Variants in MSR1 observed in about 807,000 individuals in gnomAD.
MSR1 encodes macrophage scavenger receptor 1.
MSR1 carries 53 observed loss-of-function variants against 47.2 expected under a neutral mutation model. That is an observed-to-expected ratio of 1.12 (90% CI 0.90 to 1.41). The LOEUF (loss-of-function observed/expected upper bound fraction) is 1.41. Ranked by LOEUF, MSR1 falls within the 40% of genes most tolerant of loss-of-function variation. The pLI, the probability that MSR1 is intolerant of heterozygous loss-of-function variation, is 0.00. For synonymous variants in MSR1, 239 were observed against 185.6 expected, an observed-to-expected ratio of 1.29 and a Z score of -2.34; for missense variants, 786 against 546.9, an observed-to-expected ratio of 1.44 and a Z score of -4.36.
At chr8:16,150,851 AACACAC>A (rs3036816) in intron 6 of MSR1, among the ~76,000 whole-genome samples, 323 of 142,004 alleles carry the variant, frequency 2.3e-3, no homozygotes, top group Middle Eastern at 3.4e-3. Context: ...CATAAACATA[AACACAC>A]ACACACACAC....
intron 3 of MSR1, among the ~76,000 whole-genome samples, 200 bp from the exon 4 acceptor site, chr8:16,169,070 T>C (rs1260025932): frequency 6.6e-6 from 1 of 152,180 alleles, no homozygotes; most frequent in African/African-American, 2.4e-5. Context: ...ACATTCTCCC[T>C]TTCCTATTTT....
chr8:16,131,070 T>G (rs1021324688), intron 8 of MSR1, among the ~76,000 whole-genome samples: 14 of 152,134 alleles, frequency 9.2e-5, no homozygotes, highest in Non-Finnish European at 1.9e-4. Context: ...CTTTCCACAA[T>G]AACTGAACTA....
intron 3 of MSR1, among the ~76,000 whole-genome samples, chr8:16,172,067 G>T (rs920893767): frequency 2.0e-5 from 3 of 152,180 alleles, no homozygotes; most frequent in African/African-American, 7.2e-5. Context: ...TAACTATGGG[G>T]AAGTAGCATT....
chr8:16,175,399 T>A, intron 2 of MSR1, 99 bp from the exon 3 acceptor site: 1 of 992,192 alleles, frequency 1.0e-6, no homozygotes, highest in Non-Finnish European at 1.5e-6. Flanking sequence ...CTACCAAGCC[T>A]ATTGGAATAA....
intron 4 of MSR1, among the ~76,000 whole-genome samples, chr8:16,166,946 C>T (rs2117177455): frequency 6.6e-6 from 1 of 151,786 alleles, no homozygotes; most frequent in African/African-American, 2.4e-5. Context: ...TACACACACA[C>T]ACACACACAC....
intron 8 of MSR1, chr8:16,121,154 C>T (rs770609068): frequency 1.1e-5 from 5 of 436,682 alleles, no homozygotes; most frequent in Non-Finnish European, 2.3e-5. Context: ...ATAGCAAAGA[C>T]TTTCCTTGTT....
At position 16,142,308 on chromosome 8, in the gene MSR1, C is replaced by T. The variant is rs141511839; in HGVS notation, c.1033+1250G>A. 7.7e-3 allele frequency among the ~76,000 whole-genome samples: 1,165 copies of T among 152,096 alleles called. 14 individuals carry two copies. Among genetic ancestry groups the T allele is most frequent in the African/African-American group, 0.026 (1,087 of 41,482 alleles). On this transcript the variant is annotated intron_variant, in intron 8 of 9. Transcript: ENST00000262101. Reference sequence around the variant, plus strand: ...ATGGTGCCACTGCACTCCATCCTGGCGACAGAGCGAGACTCCATCTCAAAA... The same window carrying T: ...ATGGTGCCACTGCACTCCATCCTGGTGACAGAGCGAGACTCCATCTCAAAA...
At chr8:16,119,572 G>C (rs140493657) in intron 9 of MSR1, among the ~76,000 whole-genome samples, 1 of 152,178 alleles carries the variant, frequency 6.6e-6, no homozygotes, top group Non-Finnish European at 1.5e-5. Flanking sequence ...ATGTGATTGT[G>C]ACCTATTATT....
At chr8:16,181,562 C>T (rs1421827094) in intron 1 of MSR1, among the ~76,000 whole-genome samples, 2 of 151,988 alleles carry the variant, frequency 1.3e-5, no homozygotes, top group Non-Finnish European at 2.9e-5. Flanking sequence ...GAAAACAAAA[C>T]ATCACATGAT....
At chr8:16,134,339 G>T (rs980745354) in intron 8 of MSR1, among the ~76,000 whole-genome samples, 2 of 152,076 alleles carry the variant, frequency 1.3e-5, no homozygotes, top group East Asian at 3.9e-4. Flanking sequence ...TGAAATCCAT[G>T]TATAGTGTTT....
At position 16,150,222 on chromosome 8, in the gene MSR1, T is replaced by C. The variant is rs1800816370; in HGVS notation, c.979+9A>G. On this transcript the variant is annotated intron_variant, in intron 7 of 9. Transcript: ENST00000262101. Reference sequence around the variant, plus strand: ...TATTCTATAAAGAAAATACACATTATTGTAATACCTGGCCTTCCGGCATAT... The same window carrying C: ...TATTCTATAAAGAAAATACACATTACTGTAATACCTGGCCTTCCGGCATAT... The C allele has an allele frequency of 1.4e-6, 2 of 1,467,396 alleles. No homozygotes were observed. Among genetic ancestry groups the C allele is most frequent in the Admixed American group, 1.9e-5 (1 of 52,044 alleles). The allele number at this position is 1,467,396 out of a possible 1,614,324, so 90.9% of individuals were successfully genotyped here.
At chr8:16,111,417 G>A (rs1295703141) in intron 9 of MSR1, among the ~76,000 whole-genome samples, 4 of 151,988 alleles carry the variant, frequency 2.6e-5, no homozygotes, top group Admixed American at 6.6e-5. Flanking sequence ...TTGTGAACCC[G>A]GGCTACTGTG....
intron 6 of MSR1, among the ~76,000 whole-genome samples, chr8:16,153,214 G>A (rs180904133): frequency 3.3e-5 from 5 of 152,092 alleles, no homozygotes; most frequent in African/African-American, 1.2e-4. Context: ...AGATTAGAAA[G>A]CAGAATTAGT....
At chr8:16,133,717 A>G (rs1800318772) in intron 8 of MSR1, among the ~76,000 whole-genome samples, 2 of 152,136 alleles carry the variant, frequency 1.3e-5, no homozygotes, top group Admixed American at 1.3e-4. Context: ...TGTCTTCAGG[A>G]TTATACTGGG....
chr8:16,108,347 T>C lies in MSR1; in HGVS notation c.*1738A>G, dbSNP rs1799681812. On this transcript the variant is annotated 3_prime_UTR_variant, in exon 10 of 10. Transcript: ENST00000262101. ...AACAGTTAACACTAATAGTTAATAC[T>C]ATTGACAACCCATAGGCACTGATTT... The C allele has an allele frequency of 6.6e-6, 1 of 151,784 alleles. No individual in the cohort carries two copies. Among genetic ancestry groups the C allele is most frequent in the South Asian group, 2.1e-4 (1 of 4,816 alleles). 9.4% of individuals were successfully genotyped at this position (151,784 alleles called of 1,614,324 possible). A position where few individuals can be genotyped will look rare whatever the true frequency, so the allele number is the denominator to read the frequency against.
At chr8:16,115,934 C>T (rs1410146186) in intron 9 of MSR1, among the ~76,000 whole-genome samples, 1 of 151,892 alleles carries the variant, frequency 6.6e-6, no homozygotes, top group African/African-American at 2.4e-5. Flanking sequence ...GCTGCATTAA[C>T]CTGTGATTGT....
At chr8:16,158,011 A>G (rs1801058090) in intron 5 of MSR1, among the ~76,000 whole-genome samples, 1 of 151,928 alleles carries the variant, frequency 6.6e-6, no homozygotes, top group Non-Finnish European at 1.5e-5. Flanking sequence ...GTTTCCATTT[A>G]GTCTTTTCAA....
intron 1 of MSR1, chr8:16,186,030 C>T: frequency 2.6e-6 from 2 of 769,316 alleles, no homozygotes; most frequent in South Asian, 1.9e-5. Context: ...AATCCATAAC[C>T]TGCCACATAG....
chr8:16,172,992 C>T (rs540052840), intron 3 of MSR1, among the ~76,000 whole-genome samples: 1 of 152,108 alleles, frequency 6.6e-6, no homozygotes, highest in African/African-American at 2.4e-5. Context: ...TACTGATCTA[C>T]AACTTAATTA....
Sources: gnomAD v4.1 joint callset for allele counts (sites outside exome capture counted in the v4.1 genomes callset) on GRCh38, gnomAD v4.1.1 for gene constraint, MANE v1.5 for transcripts, NCBI Gene and HGNC (gene_info 2026-07-23, HGNC 2026-07-21) for gene names.